The following SIAH1 variants were observed in gnomAD, a reference collection of about 807,000 sequenced individuals.
The protein encoded by SIAH1 is siah E3 ubiquitin protein ligase 1.
Under a neutral mutation model 20.0 loss-of-function variants are expected in SIAH1, and 2 were observed. The observed-to-expected ratio is 0.10, with a 90% CI of 0.04 to 0.31. SIAH1 has a LOEUF of 0.31. SIAH1 is among the 10% of genes least tolerant of loss of function. SIAH1 has a pLI of 1.00. For missense variants in SIAH1, 119 were observed against 355.3 expected, an observed-to-expected ratio of 0.33 and a Z score of 5.35; for synonymous variants, 118 against 125.3, an observed-to-expected ratio of 0.94 and a Z score of 0.39.
chr16:48,374,515 A>G (rs572171271), intron 1 of SIAH1, among the ~76,000 whole-genome samples: 2 of 152,332 alleles, frequency 1.3e-5, no homozygotes, highest in East Asian at 3.9e-4. Flanking sequence ...AAGCTCTTCA[A>G]ATACAAGGGA....
Position 48,385,284 on chromosome 16 carries a change from C to A in SIAH1, c.-83G>T. The A allele has an allele frequency of 3.3e-6, 1 of 298,946 alleles. No homozygotes were observed. The highest frequency in any genetic ancestry group is 2.4e-5 in the South Asian group (1 of 41,526). The allele number at this position is 298,946 out of a possible 1,614,324, so 18.5% of individuals were successfully genotyped here. A position where few individuals can be genotyped will look rare whatever the true frequency, so the allele number is the denominator to read the frequency against. ...CCAACCCCCGCCACCGCGGGCAGCGCCACCGCCTCTTCCCGGCGCCGAGAC... is the reference window on the plus strand; with the variant it reads ...CCAACCCCCGCCACCGCGGGCAGCGACACCGCCTCTTCCCGGCGCCGAGAC... On this transcript the variant is annotated 5_prime_UTR_variant, in exon 1 of 2. Transcript: ENST00000394725.
At position 48,385,301 on chromosome 16, in the gene SIAH1, C is replaced by A. The variant is rs973098427; in HGVS notation, c.-100G>T. 1 of 268,544 alleles carries A rather than the reference C, an allele frequency of 3.7e-6. No homozygotes were observed. Among genetic ancestry groups the A allele is most frequent in the Non-Finnish European group, 8.1e-6 (1 of 124,004 alleles). The allele number at this position is 268,544 out of a possible 1,614,324, so 16.6% of individuals were successfully genotyped here. A position where few individuals can be genotyped will look rare whatever the true frequency, so the allele number is the denominator to read the frequency against. On this transcript the variant is annotated 5_prime_UTR_variant, in exon 1 of 2. Coordinates refer to ENST00000394725, the MANE Select transcript of SIAH1 (RefSeq NM_003031.4). ...GGGCAGCGCCACCGCCTCTTCCCGG[C>A]GCCGAGACCGACGGGACACCCTGGG...
Position 48,361,565 on chromosome 16 carries a change from T to C in SIAH1, c.*15A>G, listed in dbSNP as rs2151043616. The C allele has an allele frequency of 3.1e-6, 5 of 1,608,718 alleles. No individual in the cohort carries two copies. The highest frequency in any genetic ancestry group is 4.2e-6 in the Non-Finnish European group (5 of 1,177,478). On this transcript the variant is annotated 3_prime_UTR_variant, in exon 2 of 2. Coordinates refer to ENST00000394725, the MANE Select transcript of SIAH1 (RefSeq NM_003031.4). ...GAAGTTTTAAACACTGGCCAGAAAA[T>C]GTTTGATTGCCATTTCAACACATGG...
At chr16:48,365,975 G>T in intron 1 of SIAH1, 1 of 1,075,322 alleles carries the variant, frequency 9.3e-7, no homozygotes, top group Non-Finnish European at 1.2e-6. Context: ...GGGGCGCCAG[G>T]GCCAGTTCAG....
chr16:48,366,590 A>G (rs1960847191), intron 1 of SIAH1, among the ~76,000 whole-genome samples: 1 of 152,172 alleles, frequency 6.6e-6, no homozygotes, highest in Non-Finnish European at 1.5e-5. Flanking sequence ...TTGTTTTTAA[A>G]CAAGCACTAC....
intron 1 of SIAH1, chr16:48,365,594 A>AT: frequency 6.8e-7 from 1 of 1,479,012 alleles, no homozygotes; most frequent in Non-Finnish European, 8.9e-7. Flanking sequence ...CAGGATCCAA[A>AT]TACCATTTAC....
At chr16:48,377,973 C>G (rs923422484) in intron 1 of SIAH1, among the ~76,000 whole-genome samples, 4 of 152,050 alleles carry the variant, frequency 2.6e-5, no homozygotes, top group Non-Finnish European at 5.9e-5. Context: ...GGCTATTCAG[C>G]TGGTAACTTT....
chr16:48,385,912 C>T (rs1022410366), upstream of SIAH1, among the ~76,000 whole-genome samples: 6 of 152,198 alleles, frequency 3.9e-5, no homozygotes, highest in African/African-American at 1.4e-4. Flanking sequence ...GGCTGCCCTG[C>T]CCGCCGACCG....
chr16:48,379,411 G>C (rs1961201139), intron 1 of SIAH1, among the ~76,000 whole-genome samples: 1 of 152,144 alleles, frequency 6.6e-6, no homozygotes, highest in Admixed American at 6.5e-5. Flanking sequence ...CAGTGTTCAA[G>C]GAACAAAAGA....
intron 1 of SIAH1, among the ~76,000 whole-genome samples, chr16:48,379,531 G>C (rs1211667958): frequency 1.3e-5 from 2 of 152,182 alleles, no homozygotes; most frequent in African/African-American, 2.4e-5. Flanking sequence ...AAGGCTAGAA[G>C]AGTTTAATAA....
At position 48,365,290 on chromosome 16, in the gene SIAH1, G is replaced by A. The variant is rs74017933; in HGVS notation, c.-2-2860C>T. ...TGACTGAGAACCTCGGAAACGTCTC[G>A]ATTCTGCTGCAGCCATTCCCTAAGC... is the stretch of plus-strand genomic sequence containing the variant. On this transcript the variant is annotated intron_variant, in intron 1 of 1. Coordinates refer to ENST00000394725, the MANE Select transcript of SIAH1 (RefSeq NM_003031.4). 3,262 of 1,281,062 alleles carry A rather than the reference G, an allele frequency of 2.5e-3. 70 individuals are homozygous for A. The African/African-American group carries it at 0.042, about 17-fold the overall frequency. 79.4% of individuals were successfully genotyped at this position (1,281,062 alleles called of 1,614,324 possible). A position where few individuals can be genotyped will look rare whatever the true frequency, so the allele number is the denominator to read the frequency against.
intron 1 of SIAH1, chr16:48,363,562 A>AT (rs1491497929): frequency 6.0e-6 from 1 of 167,068 alleles, no homozygotes; most frequent in Non-Finnish European, 1.5e-5. Context: ...TGTGTCAGAC[A>AT]TAATGAACAA....
intron 1 of SIAH1, 27 bp downstream of exon 1, chr16:48,385,177 T>C: frequency 7.7e-6 from 2 of 260,896 alleles, no homozygotes; most frequent in South Asian, 5.7e-5. Flanking sequence ...CGCCGCCGGC[T>C]CCTCCCTCAG....
Position 48,385,308 on chromosome 16 carries a change from A to G in SIAH1, c.-107T>C, listed in dbSNP as rs1300388391. 7.7e-6 allele frequency: 2 copies of G among 258,592 alleles called. No homozygotes were observed. Among genetic ancestry groups the G allele is most frequent in the Admixed American group, 7.6e-5 (2 of 26,426 alleles). 16.0% of individuals were successfully genotyped at this position (258,592 alleles called of 1,614,324 possible). A position where few individuals can be genotyped will look rare whatever the true frequency, so the allele number is the denominator to read the frequency against. On this transcript the variant is annotated 5_prime_UTR_variant, in exon 1 of 2. Coordinates refer to ENST00000394725, the MANE Select transcript of SIAH1 (RefSeq NM_003031.4). The stretch of plus-strand genomic sequence containing the variant: ...GCCACCGCCTCTTCCCGGCGCCGAG[A>G]CCGACGGGACACCCTGGGCCGCCGC...
chr16:48,382,369 G>A (rs1026667848), intron 1 of SIAH1, among the ~76,000 whole-genome samples: 4 of 151,810 alleles, frequency 2.6e-5, no homozygotes, highest in Admixed American at 2.0e-4. Flanking sequence ...GGGCAACATA[G>A]CAAGACTATC....
chr16:48,362,145 A>C lies in SIAH1; in HGVS notation c.284T>G (p.Leu95Arg), dbSNP rs1373916024. The C allele has an allele frequency of 6.2e-7, 1 of 1,614,210 alleles. No individual in the cohort carries two copies. The highest frequency in any genetic ancestry group is 8.5e-7 in the Non-Finnish European group (1 of 1,180,038). The change falls in exon 2 of 2, where the codon CTT becomes CGT. Residue 95 changes from leucine to arginine, a missense_variant. Physicochemically the swap from Leu to Arg is moderately radical, Grantham distance 102. Transcript: ENST00000394725. This position sits in a 1 kb window ranked among gnomAD's most constrained non-coding sequence, Gnocchi z 4.2. ...AGAAGACGCATATTTACAGGGGAAA[A>C]GTACTGAATTAGCCACTTTCTCCAT... ...LAMEKVANSV[L>R]FPCKYASSGC...
chr16:48,380,940 A>AAAAAAAAAAAAAAAAAAAAAAAAC (rs1961266871), intron 1 of SIAH1, among the ~76,000 whole-genome samples: 2 of 149,880 alleles, frequency 1.3e-5, no homozygotes, highest in Non-Finnish European at 3.0e-5. Context: ...AAAAAAAAAA[A>AAAAAAAAAAAAAAAAAAAAAAAAC]AAAAAGAACG....
At chr16:48,366,278 G>C (rs768621158) in intron 1 of SIAH1, among the ~76,000 whole-genome samples, 4 of 152,144 alleles carry the variant, frequency 2.6e-5, no homozygotes, top group Non-Finnish European at 5.9e-5. Flanking sequence ...CTGGCGCTAC[G>C]CTCCAGGTTT....
At chr16:48,368,812 A>G (rs1960911138) in intron 1 of SIAH1, among the ~76,000 whole-genome samples, 1 of 152,208 alleles carries the variant, frequency 6.6e-6, no homozygotes, top group East Asian at 1.9e-4. Flanking sequence ...TTATTCTTAG[A>G]AACAATAAAA....
Sources: gnomAD v4.1 joint callset for allele counts (sites outside exome capture counted in the v4.1 genomes callset) on GRCh38, gnomAD v4.1.1 for gene constraint, Gnocchi (gnomAD v3.1) non-coding constraint, MANE v1.5 for transcripts, NCBI Gene and HGNC (gene_info 2026-07-23, HGNC 2026-07-21) for gene names.